Variants in SAMSN1 observed in about 807,000 individuals in gnomAD.
The protein encoded by SAMSN1 is SAM domain, SH3 domain and nuclear localization signals 1, also known as SAM domain-containing protein SAMSN-1.
Under a neutral mutation model 42.0 loss-of-function variants are expected in SAMSN1, and 31 were observed. That is an observed-to-expected ratio of 0.74 (90% CI 0.55 to 1.00). SAMSN1 has a LOEUF of 1.00. SAMSN1 is among the 50% of genes least tolerant of loss of function. The probability of loss-of-function intolerance (pLI) is 0.00; values close to 1 mark genes in which losing one functional copy is unlikely to be tolerated. For missense variants in SAMSN1, 464 were observed against 439.4 expected (o/e 1.06, Z -0.50); for synonymous variants, 178 against 151.9 (o/e 1.17, Z -1.26).
intron 2 of SAMSN1, among the ~76,000 whole-genome samples, chr21:14,567,820 C>G (rs1981170236): frequency 6.6e-6 from 1 of 152,100 alleles, no homozygotes; most frequent in Non-Finnish European, 1.5e-5. Flanking sequence ...TCTCGGTGCC[C>G]TGTTGCCTCT....
chr21:14,628,935 G>A lies in SAMSN1; in HGVS notation c.157-12919C>T, dbSNP rs533537163. On this transcript the variant is annotated intron_variant, in intron 2 of 15. Coordinates refer to the SAMSN1 transcript ENST00000647101. ...ACCTCAATTTATAGGTAAATTTATA[G>A]ATGGGTAAACAGAGGCACAGAGCAG... is the stretch of plus-strand genomic sequence containing the variant. 7.9e-5 allele frequency among the ~76,000 whole-genome samples: 12 copies of A among 152,264 alleles called. No homozygotes were observed. The South Asian group carries it at 2.5e-3, about 32-fold the overall frequency.
chr21:14,590,528 C>T (rs1982050401), intron 7 of SAMSN1, among the ~76,000 whole-genome samples: 2 of 152,280 alleles, frequency 1.3e-5, no homozygotes, highest in East Asian at 1.9e-4. Flanking sequence ...ACCAATCCTC[C>T]TGCTTCAGCC....
At chr21:14,643,956 C>G (rs1278707651) in intron 1 of SAMSN1, among the ~76,000 whole-genome samples, 1 of 152,142 alleles carries the variant, frequency 6.6e-6, no homozygotes, top group Non-Finnish European at 1.5e-5. Context: ...TGATGCCCAG[C>G]CATAGAGGGA....
intron 1 of SAMSN1, among the ~76,000 whole-genome samples, chr21:14,527,397 G>C (rs1293167896): frequency 6.6e-6 from 1 of 152,116 alleles, no homozygotes; most frequent in African/African-American, 2.4e-5. Context: ...CTTCTGTGGG[G>C]TGTCAGGAAA....
intron 6 of SAMSN1, among the ~76,000 whole-genome samples, chr21:14,599,633 T>A (rs1469461178): frequency 6.6e-6 from 1 of 152,134 alleles, no homozygotes; most frequent in Non-Finnish European, 1.5e-5. Context: ...ACTCTATTAG[T>A]TCCTGCGAGA....
intron 7 of SAMSN1, among the ~76,000 whole-genome samples, chr21:14,493,053 G>T (rs1880090872): frequency 6.6e-6 from 1 of 152,166 alleles, no homozygotes; most frequent in Non-Finnish European, 1.5e-5. Flanking sequence ...AATCTCCCCT[G>T]CTGACAGCTC....
chr21:14,494,738 C>T (rs1272397940), intron 7 of SAMSN1, among the ~76,000 whole-genome samples: 1 of 151,316 alleles, frequency 6.6e-6, no homozygotes, highest in Non-Finnish European at 1.5e-5. Context: ...ATCCAGTTTA[C>T]ATTTTCAAGG....
At chr21:14,659,271 G>A (rs1983962382), upstream of SAMSN1, among the ~76,000 whole-genome samples, 1 of 151,784 alleles carries the variant, frequency 6.6e-6, no homozygotes, top group Non-Finnish European at 1.5e-5. Context: ...TTTTTAAATG[G>A]CAAGATATGC....
intron 1 of SAMSN1, 41 bp downstream of exon 1, chr21:14,546,164 A>C (rs1399821691): frequency 3.9e-6 from 6 of 1,535,658 alleles, no homozygotes; most frequent in Non-Finnish European, 5.4e-6. Flanking sequence ...TTTTCTATTA[A>C]ATAGTTTGAT....
chr21:14,656,265 G>C (rs1983914676), intron 1 of SAMSN1, among the ~76,000 whole-genome samples: 1 of 151,718 alleles, frequency 6.6e-6, no homozygotes, highest in South Asian at 2.1e-4. Context: ...GGACAAATGG[G>C]GAGCAGGGTA....
chr21:14,584,400 A>C (rs745874650), upstream of SAMSN1, among the ~76,000 whole-genome samples: 16 of 152,228 alleles, frequency 1.1e-4, no homozygotes, highest in Non-Finnish European at 1.9e-4. Context: ...CTTGTTTATT[A>C]TGACAAAATA....
At chr21:14,615,730 C>T (rs774781518) in intron 3 of SAMSN1, among the ~76,000 whole-genome samples, 3 of 152,024 alleles carry the variant, frequency 2.0e-5, no homozygotes, top group Non-Finnish European at 4.4e-5. Context: ...GGTTTAGACA[C>T]ATGTTTCTTC....
intron 6 of SAMSN1, among the ~76,000 whole-genome samples, chr21:14,601,296 A>G (rs1346375208): frequency 2.0e-5 from 3 of 152,160 alleles, no homozygotes; most frequent in African/African-American, 7.2e-5. Context: ...CTACCATCTA[A>G]TTTATTGGAG....
At chr21:14,543,831 G>A (rs957754072) in intron 1 of SAMSN1, among the ~76,000 whole-genome samples, 3 of 152,086 alleles carry the variant, frequency 2.0e-5, no homozygotes, top group African/African-American at 7.2e-5. Flanking sequence ...AGTATGAAGA[G>A]TTTATGTTTC....
intron 2 of SAMSN1, among the ~76,000 whole-genome samples, chr21:14,520,592 C>T (rs992440003): frequency 8.5e-5 from 13 of 152,214 alleles, no homozygotes; most frequent in Admixed American, 8.5e-4. Context: ...CTGATAGAGA[C>T]AGGAAACAGC....
At chr21:14,549,105 C>T (rs188681254), upstream of SAMSN1, among the ~76,000 whole-genome samples, 36 of 152,194 alleles carry the variant, frequency 2.4e-4, no homozygotes, top group Admixed American at 2.6e-4. Flanking sequence ...GTGTATTTTT[C>T]GGGAAAGTAA....
At chr21:14,520,000 T>C (rs1425586013) in intron 2 of SAMSN1, among the ~76,000 whole-genome samples, 1 of 152,216 alleles carries the variant, frequency 6.6e-6, no homozygotes. Context: ...TAATTTTATT[T>C]GATGAAGCAA....
At chr21:14,520,174 G>A (rs905331962) in intron 2 of SAMSN1, among the ~76,000 whole-genome samples, 3 of 152,128 alleles carry the variant, frequency 2.0e-5, no homozygotes, top group Admixed American at 6.5e-5. Flanking sequence ...TTTATGGGAA[G>A]CTTTTCTTAA....
At position 14,516,941 on chromosome 21, in the gene SAMSN1, A is replaced by C. The variant is rs1600884343; in HGVS notation, c.230T>G (p.Met77Arg). 1.9e-6 allele frequency: 3 copies of C among 1,612,870 alleles called. No homozygotes were observed. The highest frequency in any genetic ancestry group is 2.2e-5 in the East Asian group (1 of 44,840). ...GKKMRAISWT[M>R]KKKVGKKYIK... The stretch of plus-strand genomic sequence containing the variant: ...GTACTTTTTACCCACTTTTTTCTTC[A>C]TTGTCCATGAAATAGCTCTCATTTT... Residue 77 changes from methionine to arginine, a missense_variant, in exon 3 of 8, where the codon ATG (methionine) becomes AGG (arginine). Coordinates refer to ENST00000400566, the MANE Select transcript of SAMSN1 (RefSeq NM_022136.5).
Sources: allele counts gnomAD v4.1 joint callset (sites outside exome capture counted in the v4.1 genomes callset), GRCh38; gene constraint gnomAD v4.1.1; transcripts MANE v1.5; gene names NCBI Gene and HGNC (gene_info 2026-07-23, HGNC 2026-07-21).